Variants in GRM4 observed in about 807,000 individuals in gnomAD.
GRM4 encodes glutamate metabotropic receptor 4.
In GRM4, 28 loss-of-function variants were observed where a neutral mutation model predicts 81.7. The observed-to-expected ratio is 0.34, with a 90% CI of 0.25 to 0.47. The LOEUF is 0.47. GRM4 is among the 20% of genes least tolerant of loss of function. The pLI is 1.00. For synonymous variants in GRM4, 488 were observed against 528.8 expected, an observed-to-expected ratio of 0.92 and a Z score of 1.06; for missense variants, 948 against 1,290.0, an observed-to-expected ratio of 0.73 and a Z score of 4.06.
upstream of GRM4, among the ~76,000 whole-genome samples, chr6:34,149,834 C>A (rs1348379809): frequency 6.6e-6 from 1 of 152,190 alleles, no homozygotes; most frequent in African/African-American, 2.4e-5. Flanking sequence ...TTCCACAATT[C>A]CAAAATCCGA....
At chr6:34,100,649 G>A (rs1768786617) in intron 2 of GRM4, among the ~76,000 whole-genome samples, 1 of 152,252 alleles carries the variant, frequency 6.6e-6, no homozygotes, top group South Asian at 2.1e-4. Context: ...GAGTGGGAGA[G>A]ACAATCAATA....
intron 2 of GRM4, among the ~76,000 whole-genome samples, chr6:34,100,370 T>C (rs1003235671): frequency 1.1e-4 from 17 of 152,194 alleles, no homozygotes; most frequent in Admixed American, 1.0e-3. Flanking sequence ...GATCTGCAGT[T>C]TCCCCTCTGT....
chr6:34,089,850 A>G lies in GRM4; in HGVS notation c.736+2033T>C, dbSNP rs147122393. Among the ~76,000 whole-genome samples the G allele has an allele frequency of 4.6e-5, 7 of 152,030 alleles. No homozygotes were observed. The highest frequency in any genetic ancestry group is 2.1e-4 in the South Asian group (1 of 4,824). ...TCCTGTCCCTCCAGGCTGTGTGTAC[A>G]TGGGTGTGCCTGTGTGTCCCTGTCA... On this transcript the variant is annotated intron_variant, in intron 3 of 10. Transcript: ENST00000538487. The surrounding 1 kb of genome is among the most constrained non-coding windows in gnomAD (Gnocchi z 4.3).
Position 34,080,033 on chromosome 6 carries a change from C to G in GRM4, c.736+11850G>C, listed in dbSNP as rs989610599. 6.6e-6 allele frequency among the ~76,000 whole-genome samples: 1 copy of G among 152,202 alleles called. No homozygotes were observed. The highest frequency in any genetic ancestry group is 2.1e-4 in the South Asian group (1 of 4,826). On this transcript the variant is annotated intron_variant, in intron 3 of 10. Coordinates refer to ENST00000538487, the MANE Select transcript of GRM4 (RefSeq NM_000841.4). This position sits in a 1 kb window ranked among gnomAD's most constrained non-coding sequence, Gnocchi z 5.4. ...GGGCCCCATGCAATTTGCCCTCCTC[C>G]GGCCGTATGTCTCCCTGCCTCACTC...
intron 2 of GRM4, among the ~76,000 whole-genome samples, chr6:34,113,447 T>C (rs1273064111): frequency 6.6e-6 from 1 of 152,258 alleles, no homozygotes; most frequent in African/African-American, 2.4e-5. Context: ...CGTTCTCCCA[T>C]TTAAACCTAA....
chr6:34,044,208 A>G (rs1045946417), intron 6 of GRM4, among the ~76,000 whole-genome samples: 3 of 131,962 alleles, frequency 2.3e-5, no homozygotes, highest in Non-Finnish European at 4.8e-5. Flanking sequence ...ACATATATAT[A>G]CATACATACA....
rs1469158481 is a variant in GRM4 at position 34,115,149 on chromosome 6, C to A, written c.519+17829G>T. ...CCAGGGTTGAGAGGTGGTCAGGGCC[C>A]TGCCTAAACGCCAACACGCTGCCTC... On this transcript the variant is annotated intron_variant, in intron 2 of 10. Transcript: ENST00000538487. This position sits in a 1 kb window ranked among gnomAD's most constrained non-coding sequence, Gnocchi z 4.1. 1.3e-5 allele frequency among the ~76,000 whole-genome samples: 2 copies of A among 152,194 alleles called. No individual in the cohort carries two copies. Among genetic ancestry groups the A allele is most frequent in the African/African-American group, 4.8e-5 (2 of 41,452 alleles).
rs1581645305 is a variant in GRM4, at chr6:34,068,531, A to C, written c.737-6503T>G. Among the ~76,000 whole-genome samples, 1 of 149,352 alleles carries C rather than the reference A, an allele frequency of 6.7e-6. No individual in the cohort carries two copies. ...CATCCTCCCTGGCATGGCTCTCCCC[A>C]CCCCACCTGTCTCAAAAAGTCCCCC... On this transcript the variant is annotated intron_variant, in intron 3 of 10. Transcript: ENST00000538487. The surrounding 1 kb of genome is among the most constrained non-coding windows in gnomAD (Gnocchi z 4.2).
intron 2 of GRM4, chr6:34,110,924 C>G (rs1373778283): frequency 9.3e-7 from 1 of 1,079,978 alleles, no homozygotes; most frequent in African/African-American, 1.6e-5. Context: ...TAAGAGCCCA[C>G]AAGGAACAGC....
At position 34,042,190 on chromosome 6, in the gene GRM4, C is replaced by T. The variant is rs758921540; in HGVS notation, c.1169-1442G>A. ...CTGAGGCACAAGGATCACATGAACC[C>T]GGGAGGCGGAGCTTGCAGTGAGCTG... On this transcript the variant is annotated intron_variant, in intron 6 of 10. Transcript: ENST00000538487. The surrounding 1 kb of genome is among the most constrained non-coding windows in gnomAD (Gnocchi z 4.2). Among the ~76,000 whole-genome samples, 10 of 152,304 alleles carry T rather than the reference C, an allele frequency of 6.6e-5. No homozygotes were observed. The highest frequency in any genetic ancestry group is 1.9e-4 in the East Asian group (1 of 5,190).
At position 34,115,936 on chromosome 6, in the gene GRM4, C is replaced by A. The variant is rs1769581938; in HGVS notation, c.519+17042G>T. 6.6e-6 allele frequency among the ~76,000 whole-genome samples: 1 copy of A among 152,168 alleles called. No homozygotes were observed. ...AAATGAGGTACCGATGTTGGCCGCACCAGAAGAGGGCTTTAATTACATACA... is the reference window on the plus strand; with the variant it reads ...AAATGAGGTACCGATGTTGGCCGCAACAGAAGAGGGCTTTAATTACATACA... On this transcript the variant is annotated intron_variant, in intron 2 of 10. Transcript: ENST00000538487. The surrounding 1 kb of genome is among the most constrained non-coding windows in gnomAD (Gnocchi z 4.1).
chr6:34,071,623 C>T (rs796544973), intron 3 of GRM4, among the ~76,000 whole-genome samples: 204 of 93,486 alleles, frequency 2.2e-3, no homozygotes, highest in African/African-American at 8.0e-3. Context: ...CCATACATCA[C>T]CACACAGATA....
In GRM4 at chr6:34,115,515, A is replaced by C. The variant is rs981718469; in HGVS notation, c.519+17463T>G. Among the ~76,000 whole-genome samples, 5 of 152,206 alleles carry C rather than the reference A, an allele frequency of 3.3e-5. No homozygotes were observed. Among genetic ancestry groups the C allele is most frequent in the Middle Eastern group, 6.8e-3 (2 of 294 alleles). Reference sequence around the variant, plus strand: ...GCTGCCCCTTCCCCTGCTCCCAGCCACAAGGTCCTGGTTCAGGACCTTGGA... The same window carrying C: ...GCTGCCCCTTCCCCTGCTCCCAGCCCCAAGGTCCTGGTTCAGGACCTTGGA... On this transcript the variant is annotated intron_variant, in intron 2 of 10. Transcript: ENST00000538487. This position sits in a 1 kb window ranked among gnomAD's most constrained non-coding sequence, Gnocchi z 4.1.
At chr6:34,044,247 C>G (rs375229312) in intron 6 of GRM4, among the ~76,000 whole-genome samples, 43 of 149,688 alleles carry the variant, frequency 2.9e-4, no homozygotes, top group East Asian at 2.9e-3. Context: ...CATACACACA[C>G]AGAGACATAC....
chr6:34,103,000 A>G (rs1208126573), intron 2 of GRM4, among the ~76,000 whole-genome samples: 7 of 152,168 alleles, frequency 4.6e-5, no homozygotes, highest in African/African-American at 1.7e-4. Flanking sequence ...AGGTGCTCTG[A>G]GGTCTCCTTC....
chr6:34,099,435 G>A lies in GRM4; in HGVS notation c.520-7336C>T, dbSNP rs370640713. On this transcript the variant is annotated intron_variant, in intron 2 of 10. Coordinates refer to ENST00000538487, the MANE Select transcript of GRM4 (RefSeq NM_000841.4). Reference sequence around the variant, plus strand: ...ACAGGGGCTTCGGGGTGGAGGGGAGGTGGGCGGCAGGCACTTAGCGGGAGA... The same window carrying A: ...ACAGGGGCTTCGGGGTGGAGGGGAGATGGGCGGCAGGCACTTAGCGGGAGA... Among the ~76,000 whole-genome samples the A allele has an allele frequency of 2.6e-5, 4 of 152,244 alleles. No individual in the cohort carries two copies. The East Asian group carries it at 7.7e-4, about 29-fold the overall frequency.
At chr6:34,106,211 T>C (rs1331663074) in intron 2 of GRM4, among the ~76,000 whole-genome samples, 1 of 151,768 alleles carries the variant, frequency 6.6e-6, no homozygotes, top group African/African-American at 2.4e-5. Flanking sequence ...GGTTAGGAGT[T>C]TGAGACTAAC....
Position 34,056,558 on chromosome 6 carries a change from A to G in GRM4, c.1154T>C (p.Val385Ala), listed in dbSNP as rs1561778771. The G allele has an allele frequency of 6.2e-7, 1 of 1,612,936 alleles. No homozygotes were observed. Among genetic ancestry groups the G allele is most frequent in the South Asian group, 1.1e-5 (1 of 90,972 alleles). The change falls in exon 6 of 11, where the codon GTC becomes GCC. Residue 385 changes from valine to alanine, a missense_variant. Coordinates refer to ENST00000538487, the MANE Select transcript of GRM4 (RefSeq NM_000841.4). Reference sequence around the variant, plus strand: ...CGCGTGCTCACTGGTGCACTTCTTGACGTGGCTGCCCTTCTTGAGGGCGTG... The same window carrying G: ...CGCGTGCTCACTGGTGCACTTCTTGGCGTGGCTGCCCTTCTTGAGGGCGTG... ...SRHALKKGSH[V>A]KKCTNRERIG...
intron 6 of GRM4, among the ~76,000 whole-genome samples, chr6:34,041,274 A>C (rs970393306): frequency 3.3e-5 from 5 of 152,156 alleles, no homozygotes; most frequent in African/African-American, 1.2e-4. Context: ...GGGTAGGGAA[A>C]CTGAGGCCCA....
Sources: allele counts gnomAD v4.1 joint callset (sites outside exome capture counted in the v4.1 genomes callset), GRCh38; gene constraint gnomAD v4.1.1; non-coding constraint Gnocchi (gnomAD v3.1); transcripts MANE v1.5; gene names NCBI Gene and HGNC (gene_info 2026-07-23, HGNC 2026-07-21).